Variants in EGFR observed in about 807,000 individuals in gnomAD.
The protein encoded by EGFR is epidermal growth factor receptor.
A neutral mutation model predicts 143.0 loss-of-function variants in EGFR; 58 were observed. The ratio of observed to expected loss-of-function variants is 0.41; its 90% CI spans 0.33 to 0.50. EGFR has a LOEUF of 0.50. Among genes scored for constraint, EGFR ranks in the 20% least tolerant of loss-of-function variants. The probability of loss-of-function intolerance (pLI) is 0.39; values close to 1 mark genes in which losing one functional copy is unlikely to be tolerated. For missense variants in EGFR, 1,307 were observed against 1,579.0 expected, an observed-to-expected ratio of 0.83 and a Z score of 2.92; for synonymous variants, 613 against 594.4, an observed-to-expected ratio of 1.03 and a Z score of -0.45.
At chr7:55,132,568 A>T (rs1793909924) in intron 1 of EGFR, among the ~76,000 whole-genome samples, 1 of 152,232 alleles carries the variant, frequency 6.6e-6, no homozygotes, top group African/African-American at 2.4e-5. Flanking sequence ...CTTGTAGGCA[A>T]GGTAGTCTTC....
rs2128941727 is a variant in EGFR at position 55,160,318 on chromosome 7, A to G, written c.1478A>G (p.Asn493Ser). ...TSGQKTKIIS[N>S]RGENSCKATG... is the part of the protein sequence containing the mutation. The stretch of plus-strand genomic sequence containing the variant: ...GGTCAGAAAACCAAAATTATAAGCA[A>G]CAGAGGTGAAAACAGCTGCAGTAAG... The change falls in exon 12 of 28, where the codon AAC (asparagine) becomes AGC (serine). Residue 493 changes from asparagine to serine, a missense_variant. Transcript: ENST00000275493. The G allele has an allele frequency of 6.2e-7, 1 of 1,613,482 alleles. No homozygotes were observed. The highest frequency in any genetic ancestry group is 8.5e-7 in the Non-Finnish European group (1 of 1,179,958).
intron 4 of EGFR, among the ~76,000 whole-genome samples, chr7:55,148,255 G>A (rs1014971582): frequency 2.6e-5 from 4 of 152,092 alleles, no homozygotes; most frequent in Non-Finnish European, 5.9e-5. Context: ...CAATGGGGAG[G>A]TTAAACTGTG....
chr7:55,167,775 C>A (rs1390341921), intron 15 of EGFR, among the ~76,000 whole-genome samples: 2 of 152,102 alleles, frequency 1.3e-5, no homozygotes, highest in Non-Finnish European at 2.9e-5. Context: ...TGTCAACTTT[C>A]TAGGAAAACA....
chr7:55,055,720 A>AC (rs1158635418), intron 1 of EGFR, among the ~76,000 whole-genome samples: 22 of 73,148 alleles, frequency 3.0e-4, no homozygotes, highest in East Asian at 1.9e-3. Flanking sequence ...ACACACACAC[A>AC]CACCACACAC....
chr7:55,095,294 C>G (rs754782278), intron 1 of EGFR, among the ~76,000 whole-genome samples: 1 of 152,222 alleles, frequency 6.6e-6, no homozygotes, highest in Non-Finnish European at 1.5e-5. Flanking sequence ...ACTCAGCATC[C>G]TTTTCTGTAC....
intron 3 of EGFR, 59 bp downstream of exon 3, chr7:55,143,547 C>A (rs2128927725): frequency 6.3e-7 from 1 of 1,587,488 alleles, no homozygotes; most frequent in Non-Finnish European, 8.6e-7. Context: ...GTTCCGATGG[C>A]TCCCAGCGAG....
chr7:55,094,393 C>A (rs1336103424), intron 1 of EGFR, among the ~76,000 whole-genome samples: 1 of 152,206 alleles, frequency 6.6e-6, no homozygotes, highest in Non-Finnish European at 1.5e-5. Context: ...AGCCTCCTGC[C>A]ACCCACTGAT....
chr7:55,110,007 A>T, intron 1 of EGFR: 1 of 932,864 alleles, frequency 1.1e-6, no homozygotes, highest in Non-Finnish European at 1.3e-6. Context: ...GAGAGATAAC[A>T]GCATAAACAC....
At chr7:55,198,069 G>A (rs1335865633) in intron 22 of EGFR, among the ~76,000 whole-genome samples, 1 of 152,134 alleles carries the variant, frequency 6.6e-6, no homozygotes, top group East Asian at 1.9e-4. Flanking sequence ...AGTTTCAGTA[G>A]GAATGGTACC....
chr7:55,050,023 C>T (rs998851362), intron 1 of EGFR, among the ~76,000 whole-genome samples: 2 of 152,166 alleles, frequency 1.3e-5, no homozygotes, highest in African/African-American at 4.8e-5. Flanking sequence ...TTCTGCCAAG[C>T]CTCCTCTCCT....
intron 15 of EGFR, among the ~76,000 whole-genome samples, chr7:55,168,888 A>G (rs1046753631): frequency 1.3e-5 from 2 of 152,062 alleles, no homozygotes; most frequent in Non-Finnish European, 1.5e-5. Flanking sequence ...ATTCCTGAAT[A>G]TATTGTCTCT....
chr7:55,165,516 G>A (rs1273778682), intron 15 of EGFR, 79 bp downstream of exon 15: 2 of 1,531,684 alleles, frequency 1.3e-6, no homozygotes, highest in African/African-American at 1.4e-5. Context: ...AAGTTTTCCG[G>A]CAACAAATTG....
At chr7:55,118,441 C>G (rs1793002785) in intron 1 of EGFR, among the ~76,000 whole-genome samples, 1 of 152,126 alleles carries the variant, frequency 6.6e-6, no homozygotes, top group African/African-American at 2.4e-5. Flanking sequence ...CTGAAGGCAC[C>G]ATCCCAAAGA....
chr7:55,138,598 A>G (rs1216687265), intron 1 of EGFR, among the ~76,000 whole-genome samples: 1 of 152,234 alleles, frequency 6.6e-6, no homozygotes, highest in Non-Finnish European at 1.5e-5. Context: ...TTAAGACAAT[A>G]TAGAGTGGCT....
chr7:55,146,483 C>T (rs900359994), intron 3 of EGFR, 123 bp from the exon 4 acceptor site: 81 of 1,491,192 alleles, frequency 5.4e-5, no homozygotes, highest in Middle Eastern at 2.3e-4. Context: ...GGGCTAATTG[C>T]GGGACTCTTG....
chr7:55,201,594 G>C lies in EGFR; in HGVS notation c.3115-141G>C, dbSNP rs2128972244. On this transcript the variant is annotated intron_variant, in intron 25 of 27. Transcript: ENST00000275493. ...TGTAATTAAATCAAAACTAAACCTA[G>C]TTGCTCTAAAACTAACGATTAAGAC... 7 of 1,225,468 alleles carry C rather than the reference G, an allele frequency of 5.7e-6. No homozygotes were observed. In the Admixed American group the frequency reaches 1.3e-4, roughly 22 times the overall value. 75.9% of individuals were successfully genotyped at this position (1,225,468 alleles called of 1,614,324 possible). A position where few individuals can be genotyped will look rare whatever the true frequency, so the allele number is the denominator to read the frequency against.
At chr7:55,181,024 G>T (rs1182537532) in intron 19 of EGFR, 11 of 569,148 alleles carry the variant, frequency 1.9e-5, no homozygotes, top group Non-Finnish European at 3.5e-5. Flanking sequence ...TATCCAATGT[G>T]CTCCTCATGG....
chr7:55,110,316 G>A (rs769664570), intron 1 of EGFR, among the ~76,000 whole-genome samples: 1 of 152,198 alleles, frequency 6.6e-6, no homozygotes, highest in African/African-American at 2.4e-5. Context: ...GGTCTCTGCA[G>A]ACATGGATGT....
At chr7:55,020,166 G>T (rs1017247865) in intron 1 of EGFR, among the ~76,000 whole-genome samples, 31 of 152,342 alleles carry the variant, frequency 2.0e-4, no homozygotes, top group African/African-American at 7.2e-4. Flanking sequence ...GACCCCGGCC[G>T]CTCGCCTCGC....
Sources: gnomAD v4.1 joint callset for allele counts (sites outside exome capture counted in the v4.1 genomes callset) on GRCh38, gnomAD v4.1.1 for gene constraint, MANE v1.5 for transcripts, NCBI Gene and HGNC (gene_info 2026-07-23, HGNC 2026-07-21) for gene names.